ZMAT4: variants seen among roughly 807,000 people sequenced by gnomAD.
ZMAT4 encodes the protein zinc finger matrin-type protein 4.
ZMAT4 carries 17 observed loss-of-function variants against 28.7 expected under a neutral mutation model. The observed-to-expected ratio is 0.59, with a 90% CI of 0.41 to 0.89. ZMAT4 has a LOEUF of 0.89. ZMAT4 is among the 40% of genes least tolerant of loss of function. The pLI, the probability that ZMAT4 is intolerant of heterozygous loss-of-function variation, is 0.00. For synonymous variants in ZMAT4, 117 were observed against 109.2 expected (o/e 1.07, Z -0.44); for missense variants, 240 against 283.8 (o/e 0.85, Z 1.11).
chr8:40,844,770 C>T (rs1010263497), intron 1 of ZMAT4, among the ~76,000 whole-genome samples: 4 of 151,506 alleles, frequency 2.6e-5, no homozygotes, highest in African/African-American at 9.7e-5. Flanking sequence ...CCAAAGTGAT[C>T]CCACATTCAT....
chr8:40,553,974 A>G (rs1490692459), intron 6 of ZMAT4, among the ~76,000 whole-genome samples: 3 of 152,190 alleles, frequency 2.0e-5, no homozygotes, highest in African/African-American at 7.2e-5. Context: ...AGGGTGAAAG[A>G]AATTAACAAG....
chr8:40,665,896 C>T (rs1808394331), intron 5 of ZMAT4, among the ~76,000 whole-genome samples: 1 of 152,086 alleles, frequency 6.6e-6, no homozygotes, highest in African/African-American at 2.4e-5. Flanking sequence ...CTGTCTTTTC[C>T]AGCACAGCTC....
At chr8:40,893,010 A>G (rs1818747607) in intron 1 of ZMAT4, among the ~76,000 whole-genome samples, 1 of 152,184 alleles carries the variant, frequency 6.6e-6, no homozygotes, top group African/African-American at 2.4e-5. Flanking sequence ...TCTCTTGCTG[A>G]TGGAAAATTC....
At chr8:40,871,870 T>C (rs186592245) in intron 1 of ZMAT4, among the ~76,000 whole-genome samples, 27 of 152,364 alleles carry the variant, frequency 1.8e-4, no homozygotes, top group African/African-American at 6.3e-4. Context: ...AACTACCTCC[T>C]GATGAGTTAA....
chr8:40,611,926 A>C (rs988008882), intron 5 of ZMAT4, among the ~76,000 whole-genome samples: 3 of 152,188 alleles, frequency 2.0e-5, no homozygotes, highest in Admixed American at 1.3e-4. Context: ...GAAACTACAG[A>C]ACTCATTTTC....
At chr8:40,640,696 C>T (rs1210586114) in intron 5 of ZMAT4, among the ~76,000 whole-genome samples, 2 of 151,910 alleles carry the variant, frequency 1.3e-5, no homozygotes, top group Non-Finnish European at 2.9e-5. Flanking sequence ...CATGGTGGCT[C>T]ATGCCTGTAA....
chr8:40,549,391 A>C (rs533917582), intron 6 of ZMAT4, among the ~76,000 whole-genome samples: 116 of 152,302 alleles, frequency 7.6e-4, no homozygotes, highest in Non-Finnish European at 1.4e-3. Context: ...ACAACTCCCA[A>C]GTTTGCATTT....
chr8:40,749,353 T>G, intron 3 of ZMAT4, among the ~76,000 whole-genome samples: 1 of 152,300 alleles, frequency 6.6e-6, no homozygotes. Flanking sequence ...TCTTTAAAAT[T>G]TTTAGATGAA....
chr8:40,781,554 A>T (rs1813824910), intron 2 of ZMAT4, among the ~76,000 whole-genome samples: 1 of 151,568 alleles, frequency 6.6e-6, no homozygotes, highest in Non-Finnish European at 1.5e-5. Flanking sequence ...CGAGGTCAGG[A>T]GTTCGAGACC....
intron 6 of ZMAT4, among the ~76,000 whole-genome samples, chr8:40,575,151 G>A (rs1265435412): frequency 6.6e-6 from 1 of 152,126 alleles, no homozygotes; most frequent in Non-Finnish European, 1.5e-5. Context: ...TGAGAGCAGG[G>A]AAGTCAACCC....
intron 3 of ZMAT4, among the ~76,000 whole-genome samples, chr8:40,739,599 C>G (rs1811916476): frequency 6.6e-6 from 1 of 152,138 alleles, no homozygotes; most frequent in Non-Finnish European, 1.5e-5. Context: ...CACTATGTGC[C>G]CACTTAAACT....
In ZMAT4 at chr8:40,760,435, C is replaced by T. The variant is rs539039315; in HGVS notation, c.192+7206G>A. The stretch of plus-strand genomic sequence containing the variant: ...CTACTGGCCAACCCAGTCTCCATCC[C>T]TCCCCAAACATACCCCAGGCTCTAG... On this transcript the variant is annotated intron_variant, in intron 3 of 6. Transcript: ENST00000297737. Among the ~76,000 whole-genome samples the T allele has an allele frequency of 1.1e-3, 160 of 152,342 alleles. 1 individual carries two copies. The highest frequency in any genetic ancestry group is 3.6e-3 in the African/African-American group (150 of 41,582).
At chr8:40,650,959 C>G (rs1378299801) in intron 5 of ZMAT4, among the ~76,000 whole-genome samples, 28 of 150,646 alleles carry the variant, frequency 1.9e-4, no homozygotes, top group African/African-American at 5.3e-4. Flanking sequence ...GACAAACCCA[C>G]AGCCAATATC....
At chr8:40,739,667 T>G (rs1302894762) in intron 3 of ZMAT4, among the ~76,000 whole-genome samples, 1 of 152,216 alleles carries the variant, frequency 6.6e-6, no homozygotes. Context: ...CTGGGATACA[T>G]GTGCAGAACG....
At chr8:40,836,815 C>T (rs1816508895) in intron 1 of ZMAT4, among the ~76,000 whole-genome samples, 1 of 152,114 alleles carries the variant, frequency 6.6e-6, no homozygotes, top group South Asian at 2.1e-4. Flanking sequence ...TAAGCGGTTG[C>T]CAGATCTCAG....
chr8:40,607,789 T>C (rs1325447042), intron 5 of ZMAT4, among the ~76,000 whole-genome samples: 1 of 152,018 alleles, frequency 6.6e-6, no homozygotes. Context: ...CTGCAGTGAT[T>C]GTTATTTCTC....
intron 5 of ZMAT4, among the ~76,000 whole-genome samples, chr8:40,662,208 C>T (rs1349469529): frequency 6.6e-6 from 1 of 151,982 alleles, no homozygotes; most frequent in Admixed American, 6.6e-5. Flanking sequence ...CTCGAATTCC[C>T]GTGCTCAAGC....
chr8:40,844,408 C>G (rs1412682520), intron 1 of ZMAT4, among the ~76,000 whole-genome samples: 1 of 152,138 alleles, frequency 6.6e-6, no homozygotes, highest in Non-Finnish European at 1.5e-5. Flanking sequence ...TGCTCTTTCT[C>G]TCCTTGAGCT....
chr8:40,853,160 T>C (rs1817171953), intron 1 of ZMAT4, among the ~76,000 whole-genome samples: 1 of 152,186 alleles, frequency 6.6e-6, no homozygotes, highest in Non-Finnish European at 1.5e-5. Flanking sequence ...CCCAAGACAA[T>C]CTTTGTACTT....
Sources: allele counts gnomAD v4.1 joint callset (sites outside exome capture counted in the v4.1 genomes callset), GRCh38; gene constraint gnomAD v4.1.1; transcripts MANE v1.5; gene names NCBI Gene and HGNC (gene_info 2026-07-23, HGNC 2026-07-21).